NAB1: variants seen among roughly 807,000 people sequenced by gnomAD.
The protein encoded by NAB1 is NGFI-A binding protein 1, also known as NGFI-A-binding protein 1.
A neutral mutation model predicts 49.9 loss-of-function variants in NAB1; 25 were observed. That is an observed-to-expected ratio of 0.50 (90% confidence interval 0.37 to 0.70). The LOEUF (loss-of-function observed/expected upper bound fraction) is 0.70. Among genes scored for constraint, NAB1 ranks in the 30% least tolerant of loss-of-function variants. The probability of loss-of-function intolerance (pLI) is 0.00; values close to 1 mark genes in which losing one functional copy is unlikely to be tolerated. For synonymous variants in NAB1, 198 were observed against 215.6 expected (o/e 0.92, Z 0.71); for missense variants, 489 against 575.9 (o/e 0.85, Z 1.54).
intron 2 of NAB1, among the ~76,000 whole-genome samples, chr2:190,655,534 A>G (rs188665405): frequency 6.6e-6 from 1 of 152,352 alleles, no homozygotes; most frequent in Non-Finnish European, 1.5e-5. Flanking sequence ...AGAGCATCTC[A>G]AGGAGTGATA....
Position 190,656,053 on chromosome 2 carries a change from G to A in NAB1, c.-120G>A, listed in dbSNP as rs933000953. 1.3e-5 allele frequency: 2 copies of A among 152,206 alleles called. No individual in the cohort carries two copies. Among genetic ancestry groups the A allele is most frequent in the Non-Finnish European group, 2.9e-5 (2 of 68,050 alleles). 9.4% of individuals were successfully genotyped at this position (152,206 alleles called of 1,614,324 possible). A position where few individuals can be genotyped will look rare whatever the true frequency, so the allele number is the denominator to read the frequency against. ...GCTGTACATTGGCAGCAAGGCCTCC[G>A]AGTTAGCTTTTGAATGCAGTTAACT... On this transcript the variant is annotated 5_prime_UTR_variant, in exon 3 of 10. Coordinates refer to ENST00000337386, the MANE Select transcript of NAB1 (RefSeq NM_005966.4).
chr2:190,659,739 G>T lies in NAB1; in HGVS notation c.563G>T (p.Ser188Ile). 6.2e-7 allele frequency: 1 copy of T among 1,614,106 alleles called. No homozygotes were observed. The highest frequency in any genetic ancestry group is 1.1e-5 in the South Asian group (1 of 91,074). Reference protein sequence around the residue: ...LGSPASPKESSEALDAAAALS... With the variant: ...LGSPASPKESIEALDAAAALS... Reference sequence around the variant, plus strand: ...TCCCCCGCGTCCCCAAAGGAGAGCAGTGAGGCGCTGGATGCTGCTGCTGCG... The same window carrying T: ...TCCCCCGCGTCCCCAAAGGAGAGCATTGAGGCGCTGGATGCTGCTGCTGCG... The change falls in exon 4 of 10, where the codon AGT becomes ATT. Residue 188 changes from serine to isoleucine, a missense_variant. By Grantham distance (142) the Ser-to-Ile change is moderately radical. Coordinates refer to ENST00000337386, the MANE Select transcript of NAB1 (RefSeq NM_005966.4). The surrounding 1 kb of genome is among the most constrained non-coding windows in gnomAD (Gnocchi z 6.2).
At chr2:190,683,325 T>TA (rs869182808) in intron 6 of NAB1, among the ~76,000 whole-genome samples, 5 of 133,646 alleles carry the variant, frequency 3.7e-5, no homozygotes, top group Non-Finnish European at 7.9e-5. Flanking sequence ...TTTTTTTTTT[T>TA]AGTAGAGATG....
Position 190,669,301 on chromosome 2 carries a change from G to A in NAB1, c.820-1025G>A, listed in dbSNP as rs999480891. ...AAACTGTGGGTAAGGGGGTACTGCC[G>A]TACCTGATTTCTTATGAAAAGAAAA... On this transcript the variant is annotated intron_variant, in intron 4 of 9. Transcript: ENST00000337386. The surrounding 1 kb of genome is among the most constrained non-coding windows in gnomAD (Gnocchi z 4.3). Among the ~76,000 whole-genome samples the A allele has an allele frequency of 2.0e-5, 3 of 152,186 alleles. No individual in the cohort carries two copies. The highest frequency in any genetic ancestry group is 3.2e-3 in the Middle Eastern group (1 of 316).
Position 190,680,513 on chromosome 2 carries a change from T to A in NAB1, c.1006-3225T>A, listed in dbSNP as rs575445938. 6.6e-6 allele frequency among the ~76,000 whole-genome samples: 1 copy of A among 152,334 alleles called. No individual in the cohort carries two copies. The highest frequency in any genetic ancestry group is 1.9e-4 in the East Asian group (1 of 5,184). ...CTGGGTCTCCGTCCATTTCCCTCCC[T>A]GGACTGTGTTGTCAGGAGCGCCTGA... On this transcript the variant is annotated intron_variant, in intron 6 of 9. Coordinates refer to ENST00000337386, the MANE Select transcript of NAB1 (RefSeq NM_005966.4). The surrounding 1 kb of genome is among the most constrained non-coding windows in gnomAD (Gnocchi z 5.2).
intron 5 of NAB1, among the ~76,000 whole-genome samples, chr2:190,671,817 C>T (rs182868125): frequency 1.5e-5 from 2 of 136,580 alleles, no homozygotes; most frequent in African/African-American, 2.7e-5. Flanking sequence ...TGCTCTGTCA[C>T]CAGGCTGGAG....
At position 190,685,547 on chromosome 2, in the gene NAB1, T is replaced by C. The variant is rs140966078; in HGVS notation, c.1167T>C (p.His389=). 6.3e-4 allele frequency: 1,017 copies of C among 1,614,082 alleles called. 4 individuals are homozygous for C. The African/African-American group carries it at 0.013, about 20-fold the overall frequency. Residue 389 remains histidine (H), a synonymous_variant, in exon 8 of 10, where the codon CAT becomes CAC. Coordinates refer to ENST00000337386, the MANE Select transcript of NAB1 (RefSeq NM_005966.4). The surrounding 1 kb of genome is among the most constrained non-coding windows in gnomAD (Gnocchi z 4.5). The stretch of plus-strand genomic sequence containing the variant: ...AAGCTGGCTATGAGAGACTGCAGCA[T>C]GCCGAGAGGAGGTTGTCTGCAGGGC... ...CNQAGYERLQ[H]AERRLSAGLY... is the part of the protein sequence containing the mutation.
chr2:190,685,344 A>G lies in NAB1; in HGVS notation c.1096-132A>G, dbSNP rs1304503210. On this transcript the variant is annotated intron_variant, in intron 7 of 9. Coordinates refer to ENST00000337386, the MANE Select transcript of NAB1 (RefSeq NM_005966.4). This position sits in a 1 kb window ranked among gnomAD's most constrained non-coding sequence, Gnocchi z 4.5. ...ATCTATGCATATTTATGGAATTTGT[A>G]TACCACATGAAGTGTGAACTAATTT... 2.7e-6 allele frequency: 2 copies of G among 735,816 alleles called. No individual in the cohort carries two copies. The highest frequency in any genetic ancestry group is 5.7e-5 in the East Asian group (2 of 35,398). 45.6% of individuals were successfully genotyped at this position (735,816 alleles called of 1,614,324 possible). A position where few individuals can be genotyped will look rare whatever the true frequency, so the allele number is the denominator to read the frequency against.
chr2:190,661,239 T>C (rs1265414949), intron 4 of NAB1, among the ~76,000 whole-genome samples: 2 of 152,170 alleles, frequency 1.3e-5, no homozygotes, highest in African/African-American at 4.8e-5. Flanking sequence ...CCTGATCTTT[T>C]TAAATAAATG....
chr2:190,681,827 A>G (rs938373066), intron 6 of NAB1, among the ~76,000 whole-genome samples: 4 of 152,206 alleles, frequency 2.6e-5, no homozygotes, highest in African/African-American at 9.6e-5. Flanking sequence ...CCACTATCTT[A>G]TATCCCAAAT....
rs760350833 is a variant in NAB1, at chr2:190,692,013, A to G, written c.*1680A>G. 2 of 152,748 alleles carry G rather than the reference A, an allele frequency of 1.3e-5. No homozygotes were observed. The highest frequency in any genetic ancestry group is 1.9e-4 in the East Asian group (1 of 5,192). The allele number at this position is 152,748 out of a possible 1,614,324, so 9.5% of individuals were successfully genotyped here. On this transcript the variant is annotated 3_prime_UTR_variant, in exon 10 of 10. Transcript: ENST00000337386. The surrounding 1 kb of genome is among the most constrained non-coding windows in gnomAD (Gnocchi z 5.2). ...CCTTCCTAAATGTTTTAATTGTACC[A>G]TAGTGTTTTGCTCACTGAAGAAGCT... is the stretch of plus-strand genomic sequence containing the variant.
In NAB1 at chr2:190,690,477, C is replaced by T. The variant is rs1229474833; in HGVS notation, c.*144C>T. 3 of 588,154 alleles carry T rather than the reference C, an allele frequency of 5.1e-6. No individual in the cohort carries two copies. The highest frequency in any genetic ancestry group is 9.0e-6 in the Non-Finnish European group (3 of 333,782). 36.4% of individuals were successfully genotyped at this position (588,154 alleles called of 1,614,324 possible). ...AAAGCAAAAGGACTGGTACGGTAGT[C>T]TGTGGAAACCAGGAAGATAAAACAA... On this transcript the variant is annotated 3_prime_UTR_variant, in exon 10 of 10. Transcript: ENST00000337386.
chr2:190,691,267 A>G lies in NAB1; in HGVS notation c.*934A>G, dbSNP rs1695924693. ...GCTGTAACAGATTAAGTACTATTTTATATCCAGAAAGTCTTCTCTATGTAG... is the reference window on the plus strand; with the variant it reads ...GCTGTAACAGATTAAGTACTATTTTGTATCCAGAAAGTCTTCTCTATGTAG... On this transcript the variant is annotated 3_prime_UTR_variant, in exon 10 of 10. Transcript: ENST00000337386. This position sits in a 1 kb window ranked among gnomAD's most constrained non-coding sequence, Gnocchi z 4.1. 1 of 152,558 alleles carries G rather than the reference A, an allele frequency of 6.6e-6. No homozygotes were observed. The highest frequency in any genetic ancestry group is 1.5e-5 in the Non-Finnish European group (1 of 67,972). The allele number at this position is 152,558 out of a possible 1,614,324, so 9.5% of individuals were successfully genotyped here. A position where few individuals can be genotyped will look rare whatever the true frequency, so the allele number is the denominator to read the frequency against.
rs913392556 is a variant in NAB1, at chr2:190,651,003, T to C, written c.-197+1021T>C. On this transcript the variant is annotated intron_variant, in intron 2 of 9. Coordinates refer to ENST00000337386, the MANE Select transcript of NAB1 (RefSeq NM_005966.4). The surrounding 1 kb of genome is among the most constrained non-coding windows in gnomAD (Gnocchi z 4.3). ...TTACCATTTTGCACTAAAGTTAATA[T>C]GCCATTTCGAGATTAAAAATGTTTT... 1.3e-5 allele frequency among the ~76,000 whole-genome samples: 2 copies of C among 152,344 alleles called. No individual in the cohort carries two copies. The highest frequency in any genetic ancestry group is 3.9e-4 in the East Asian group (2 of 5,186).
chr2:190,679,343 T>G lies in NAB1; in HGVS notation c.1006-4395T>G, dbSNP rs565628346. 6.6e-6 allele frequency among the ~76,000 whole-genome samples: 1 copy of G among 152,348 alleles called. No homozygotes were observed. The highest frequency in any genetic ancestry group is 2.1e-4 in the South Asian group (1 of 4,828). Reference sequence around the variant, plus strand: ...CATCCACAGTGAACTGTCAAGACTGTAGGAGTAAATAATGACTAATGTGCT... The same window carrying G: ...CATCCACAGTGAACTGTCAAGACTGGAGGAGTAAATAATGACTAATGTGCT... On this transcript the variant is annotated intron_variant, in intron 6 of 9. Coordinates refer to ENST00000337386, the MANE Select transcript of NAB1 (RefSeq NM_005966.4). This position sits in a 1 kb window ranked among gnomAD's most constrained non-coding sequence, Gnocchi z 5.3.
chr2:190,679,046 C>G lies in NAB1; in HGVS notation c.1006-4692C>G, dbSNP rs77534052. Among the ~76,000 whole-genome samples the G allele has an allele frequency of 1.5e-4, 23 of 152,276 alleles. No individual in the cohort carries two copies. In the East Asian group the frequency reaches 4.2e-3, roughly 28 times the overall value. On this transcript the variant is annotated intron_variant, in intron 6 of 9. Transcript: ENST00000337386. This position sits in a 1 kb window ranked among gnomAD's most constrained non-coding sequence, Gnocchi z 5.3. ...CCATAGCTTTTATTTTCTCAGTGAT[C>G]AGACCCAGAGTCTCGTCAGCAAGGA...
rs555594415 is a variant in NAB1 at position 190,669,124 on chromosome 2, A to G, written c.820-1202A>G. ...TGACAGCCAGGAGTATAGACAGTGT[A>G]GATACACTGGACAAAGGGATGATTC... On this transcript the variant is annotated intron_variant, in intron 4 of 9. Transcript: ENST00000337386. The surrounding 1 kb of genome is among the most constrained non-coding windows in gnomAD (Gnocchi z 4.3). Among the ~76,000 whole-genome samples, 4 of 152,324 alleles carry G rather than the reference A, an allele frequency of 2.6e-5. No individual in the cohort carries two copies. The highest frequency in any genetic ancestry group is 4.4e-5 in the Non-Finnish European group (3 of 68,026).
At chr2:190,660,086 A>T in intron 4 of NAB1, 91 bp downstream of exon 4, 1 of 1,123,248 alleles carries the variant, frequency 8.9e-7, no homozygotes, top group Middle Eastern at 2.1e-4. Context: ...CACAAATGTG[A>T]TACACTACCT....
intron 5 of NAB1, among the ~76,000 whole-genome samples, chr2:190,671,707 T>A (rs1194008453): frequency 2.0e-5 from 3 of 151,598 alleles, no homozygotes; most frequent in Non-Finnish European, 2.9e-5. Context: ...AGTTCCATGT[T>A]CCAGAGGCAA....
Sources: allele counts gnomAD v4.1 joint callset (sites outside exome capture counted in the v4.1 genomes callset), GRCh38; gene constraint gnomAD v4.1.1; non-coding constraint Gnocchi (gnomAD v3.1); transcripts MANE v1.5; gene names NCBI Gene and HGNC (gene_info 2026-07-23, HGNC 2026-07-21).